The following FXR2 variants were observed in gnomAD, a reference collection of about 807,000 sequenced individuals.
FXR2 encodes FMR1 autosomal homolog 2, also known as RNA-binding protein FXR2.
In FXR2, 9 loss-of-function variants were observed where a neutral mutation model predicts 87.3. The ratio of observed to expected loss-of-function variants is 0.10; its 90% CI spans 0.06 to 0.18. The LOEUF (loss-of-function observed/expected upper bound fraction) is 0.18, where lower values mean the gene tolerates loss of function less well. FXR2 is among the 10% of genes least tolerant of loss of function. The probability of loss-of-function intolerance (pLI) is 1.00; values close to 1 mark genes in which losing one functional copy is unlikely to be tolerated. For synonymous variants in FXR2, 331 were observed against 328.3 expected (o/e 1.01, Z -0.09); for missense variants, 661 against 893.6 (o/e 0.74, Z 3.32).
chr17:7,591,865 A>G lies in FXR2; in HGVS notation c.1987T>C (p.Leu663=). 1.2e-6 allele frequency: 2 copies of G among 1,603,500 alleles called. No individual in the cohort carries two copies. Among genetic ancestry groups the G allele is most frequent in the Non-Finnish European group, 1.7e-6 (2 of 1,170,344 alleles). The change falls in exon 17 of 17, where the codon TTG becomes CTG. Residue 663 remains leucine (L), a synonymous_variant. Coordinates refer to ENST00000250113, the MANE Select transcript of FXR2 (RefSeq NM_004860.4). The surrounding 1 kb of genome is among the most constrained non-coding windows in gnomAD (Gnocchi z 4.0). ...CCATTCACCATACTACCCAACTCCA[A>G]GGGGGCGGAGAGCTCCCCATTCTCC... ...PSENGELSAP[L]ELGSMVNGVS is the part of the protein sequence containing the mutation.
In FXR2 at chr17:7,593,668, T is replaced by A; in HGVS notation, c.1108-43A>T. 7.5e-7 allele frequency: 1 copy of A among 1,339,194 alleles called. No individual in the cohort carries two copies. Among genetic ancestry groups the A allele is most frequent in the Non-Finnish European group, 1.0e-6 (1 of 958,448 alleles). The allele number at this position is 1,339,194 out of a possible 1,614,324, so 83.0% of individuals were successfully genotyped here. A position where few individuals can be genotyped will look rare whatever the true frequency, so the allele number is the denominator to read the frequency against. Reference sequence around the variant, plus strand: ...GGAAGAAGGGGAAGGAGAAATAAGATCAGTGCCTTGCTTCATGCTTCTGCA... The same window carrying A: ...GGAAGAAGGGGAAGGAGAAATAAGAACAGTGCCTTGCTTCATGCTTCTGCA... On this transcript the variant is annotated intron_variant, in intron 11 of 16. Coordinates refer to ENST00000250113, the MANE Select transcript of FXR2 (RefSeq NM_004860.4). This position sits in a 1 kb window ranked among gnomAD's most constrained non-coding sequence, Gnocchi z 6.1.
At position 7,593,834 on chromosome 17, in the gene FXR2, G is replaced by C; in HGVS notation, c.1107+84C>G. On this transcript the variant is annotated intron_variant, in intron 11 of 16. Transcript: ENST00000250113. The surrounding 1 kb of genome is among the most constrained non-coding windows in gnomAD (Gnocchi z 6.1). ...TCTGTTCTACACGGAGAGACAAACA[G>C]AGAACCAAAATCCCTGAGCTGACCC... The C allele has an allele frequency of 1.0e-6, 1 of 981,340 alleles. No individual in the cohort carries two copies. Among genetic ancestry groups the C allele is most frequent in the Non-Finnish European group, 1.6e-6 (1 of 613,420 alleles). 60.8% of individuals were successfully genotyped at this position (981,340 alleles called of 1,614,324 possible). A position where few individuals can be genotyped will look rare whatever the true frequency, so the allele number is the denominator to read the frequency against.
At position 7,602,927 on chromosome 17, in the gene FXR2, G is replaced by A. The variant is rs776664694; in HGVS notation, c.525C>T (p.Asn175=). The A allele has an allele frequency of 2.6e-5, 40 of 1,531,902 alleles. No homozygotes were observed. Among genetic ancestry groups the A allele is most frequent in the Non-Finnish European group, 3.3e-5 (37 of 1,106,404 alleles). 94.9% of individuals were successfully genotyped at this position (1,531,902 alleles called of 1,614,324 possible). ...AACTCACCAGAATGAAGAGCTCACT[G>A]TTTGTGATGTTGAGAAAGATGCAGT... The part of the protein sequence containing the change: ...GANCIFLNIT[N]SELFILSTTE... The change falls in exon 6 of 17, where the codon AAC becomes AAT. Residue 175 remains asparagine, a synonymous_variant. Coordinates refer to ENST00000250113, the MANE Select transcript of FXR2 (RefSeq NM_004860.4).
At chr17:7,609,959 T>TATACATGCATATGTATAC (rs2071840884) in intron 1 of FXR2, among the ~76,000 whole-genome samples, 11 of 101,688 alleles carry the variant, frequency 1.1e-4, no homozygotes, top group African/African-American at 1.8e-4. Flanking sequence ...TGTATACATA[T>TATACATGCATATGTATAC]ATATACATGT....
chr17:7,594,351 G>C lies in FXR2; in HGVS notation c.911-4C>G, dbSNP rs1567748449. On this transcript the variant is annotated splice_region_variant and splice_polypyrimidine_tract_variant and intron_variant, in intron 9 of 16. Transcript: ENST00000250113. The surrounding 1 kb of genome is among the most constrained non-coding windows in gnomAD (Gnocchi z 5.1). Reference sequence around the variant, plus strand: ...CCGTTCTTTCCAATCACTTTGCCTGGAATAGGTAAATGAGGAATTCAGCCT... The same window carrying C: ...CCGTTCTTTCCAATCACTTTGCCTGCAATAGGTAAATGAGGAATTCAGCCT... 1 of 1,565,296 alleles carries C rather than the reference G, an allele frequency of 6.4e-7. No individual in the cohort carries two copies. The highest frequency in any genetic ancestry group is 2.2e-5 in the East Asian group (1 of 44,652).
At position 7,603,839 on chromosome 17, in the gene FXR2, G is replaced by A; in HGVS notation, c.367C>T (p.Arg123Trp). 6.2e-7 allele frequency: 1 copy of A among 1,613,878 alleles called. No individual in the cohort carries two copies. The highest frequency in any genetic ancestry group is 1.1e-5 in the South Asian group (1 of 91,082). Residue 123 changes from arginine to tryptophan, a missense_variant, in exon 5 of 17, where the codon CGG becomes TGG. By Grantham distance (101) the Arg-to-Trp change is moderately radical. Around this residue, in one of 3 missense-constraint regions of FXR2, gnomAD observed 170 missense variants for 247.2 expected, o/e 0.69. Transcript: ENST00000250113. ...YNEIVTLERL[R>W]PVNPNPLATK... ...GCAAGGGGATTGGGATTAACTGGCC[G>A]AAGTCGCTCCAGGGTAACAATTTCA...
In FXR2 at chr17:7,601,511, G is replaced by A; in HGVS notation, c.558C>T (p.Ala186=). The A allele has an allele frequency of 6.2e-7, 1 of 1,608,310 alleles. No homozygotes were observed. Among genetic ancestry groups the A allele is most frequent in the East Asian group, 2.2e-5 (1 of 44,838 alleles). ...CCAGCAGAGATGCTCGCTTCACAGG[G>A]GCTTCTGTGGTTGACTGGGAGGAAA... ...SELFILSTTE[A]PVKRASLLGD... is the part of the protein sequence containing the mutation. The change falls in exon 7 of 17, where the codon GCC becomes GCT. Residue 186 remains alanine (A), a synonymous_variant. Transcript: ENST00000250113.
Position 7,592,035 on chromosome 17 carries a change from G to T in FXR2, c.1927-110C>A. The stretch of plus-strand genomic sequence containing the variant: ...CCTCCTGGCATTTGGTGATCCAGAG[G>T]TTGGTTCCCTGATCTCATGATCCAG... On this transcript the variant is annotated intron_variant, in intron 16 of 16. Transcript: ENST00000250113. The surrounding 1 kb of genome is among the most constrained non-coding windows in gnomAD (Gnocchi z 4.8). 1 of 1,278,116 alleles carries T rather than the reference G, an allele frequency of 7.8e-7. No individual in the cohort carries two copies. Among genetic ancestry groups the T allele is most frequent in the Non-Finnish European group, 1.1e-6 (1 of 936,490 alleles). 79.2% of individuals were successfully genotyped at this position (1,278,116 alleles called of 1,614,324 possible). A position where few individuals can be genotyped will look rare whatever the true frequency, so the allele number is the denominator to read the frequency against.
Position 7,594,018 on chromosome 17 carries a change from A to G in FXR2, c.1021-14T>C, listed in dbSNP as rs763898879. The G allele has an allele frequency of 2.0e-6, 3 of 1,514,144 alleles. No homozygotes were observed. The highest frequency in any genetic ancestry group is 2.8e-6 in the Non-Finnish European group (3 of 1,088,714). The allele number at this position is 1,514,144 out of a possible 1,614,324, so 93.8% of individuals were successfully genotyped here. The stretch of plus-strand genomic sequence containing the variant: ...GGGAACCATTCCCTAGAGAACAGAG[A>G]GCAGAAACGATGGATCAGAAAGGAA... On this transcript the variant is annotated splice_polypyrimidine_tract_variant and intron_variant, in intron 10 of 16. Coordinates refer to ENST00000250113, the MANE Select transcript of FXR2 (RefSeq NM_004860.4). This position sits in a 1 kb window ranked among gnomAD's most constrained non-coding sequence, Gnocchi z 5.1.
intron 6 of FXR2, 62 bp from the exon 7 acceptor site, chr17:7,601,587 C>T (rs936520100): frequency 2.0e-6 from 2 of 982,740 alleles, no homozygotes; most frequent in Non-Finnish European, 3.3e-6. Flanking sequence ...AAGGGAGAGC[C>T]AGGGACTAGA....
At chr17:7,596,303 G>C (rs2071707455) in intron 7 of FXR2, 1 of 204,594 alleles carries the variant, frequency 4.9e-6, no homozygotes. Flanking sequence ...GACTACAGGT[G>C]TCCACCACCA....
Position 7,614,293 on chromosome 17 carries a change from T to C in FXR2, c.81+159A>G, listed in dbSNP as rs762330205. Among the ~76,000 whole-genome samples, 11 of 152,076 alleles carry C rather than the reference T, an allele frequency of 7.2e-5. No homozygotes were observed. In the South Asian group the frequency reaches 1.0e-3, roughly 14 times the overall value. On this transcript the variant is annotated intron_variant, in intron 1 of 16. Transcript: ENST00000250113. The stretch of plus-strand genomic sequence containing the variant: ...CAAAAATAAGAGGAACAGGGTTCAC[T>C]CTAAGCGGTCTCCCAGGGAAGGCTG...
At chr17:7,601,552 T>C (rs2071755729) in intron 6 of FXR2, 27 bp from the exon 7 acceptor site, 2 of 1,360,450 alleles carry the variant, frequency 1.5e-6, no homozygotes, top group African/African-American at 1.4e-5. Context: ...GGGAAAGTCA[T>C]TAAAACTGGC....
chr17:7,601,321 C>T (rs1414841356), intron 7 of FXR2, 88 bp downstream of exon 7: 1 of 789,744 alleles, frequency 1.3e-6, no homozygotes, highest in African/African-American at 1.7e-5. Flanking sequence ...AGTCTTTGTT[C>T]TGTAAACACA....
chr17:7,593,101 T>A lies in FXR2; in HGVS notation c.1411A>T (p.Arg471Trp). 8 of 1,595,196 alleles carry A rather than the reference T, an allele frequency of 5.0e-6. No homozygotes were observed. The highest frequency in any genetic ancestry group is 6.8e-6 in the Non-Finnish European group (8 of 1,171,284). The change falls in exon 13 of 17, where the codon AGG becomes TGG. Residue 471 changes from arginine to tryptophan, a missense_variant. Physicochemically the swap from Arg to Trp is moderately radical, Grantham distance 101 (BLOSUM62 -3). This residue lies in a region of FXR2 where 409 missense variants were observed against 432.0 expected (regional missense o/e 0.95). Coordinates refer to ENST00000250113, the MANE Select transcript of FXR2 (RefSeq NM_004860.4). The surrounding 1 kb of genome is among the most constrained non-coding windows in gnomAD (Gnocchi z 6.1). ...EEPNRAGPGD[R>W]DPPTRGEESR... is the part of the protein sequence containing the mutation. ...TCTTCCCCTCGGGTTGGGGGATCCCTGTCGCCAGGCCCAGCTCGGTTGGGC... is the reference window on the plus strand; with the variant it reads ...TCTTCCCCTCGGGTTGGGGGATCCCAGTCGCCAGGCCCAGCTCGGTTGGGC...
At chr17:7,611,455 G>A (rs1274377433) in intron 1 of FXR2, among the ~76,000 whole-genome samples, 1 of 152,162 alleles carries the variant, frequency 6.6e-6, no homozygotes, top group Admixed American at 6.5e-5. Flanking sequence ...ATCTCTTGAA[G>A]TCAGGAGTCA....
At chr17:7,609,740 T>C in intron 1 of FXR2, among the ~76,000 whole-genome samples, 1 of 151,716 alleles carries the variant, frequency 6.6e-6, no homozygotes, top group East Asian at 1.9e-4. Flanking sequence ...CCACAACCAC[T>C]AATATTTTAT....
At chr17:7,610,172 T>A (rs1429487559) in intron 1 of FXR2, among the ~76,000 whole-genome samples, 2 of 151,436 alleles carry the variant, frequency 1.3e-5, no homozygotes, top group Non-Finnish European at 2.9e-5. Flanking sequence ...GGCTGCAGGG[T>A]CGTCTGGATT....
At chr17:7,603,270 G>C (rs897004322) in intron 5 of FXR2, among the ~76,000 whole-genome samples, 1 of 152,054 alleles carries the variant, frequency 6.6e-6, no homozygotes. Flanking sequence ...GCTCACGCCT[G>C]TAATCCCAGC....
Sources: allele counts gnomAD v4.1 joint callset (sites outside exome capture counted in the v4.1 genomes callset), GRCh38; gene constraint gnomAD v4.1.1; regional missense constraint gnomAD v4.1.1; non-coding constraint Gnocchi (gnomAD v3.1); transcripts MANE v1.5; gene names NCBI Gene and HGNC (gene_info 2026-07-23, HGNC 2026-07-21).